Variants in CCDC146 observed in about 807,000 individuals in gnomAD.
CCDC146 encodes the protein coiled-coil domain containing 146.
A neutral mutation model predicts 119.3 loss-of-function variants in CCDC146; 92 were observed. The observed-to-expected ratio is 0.77, with a 90% CI of 0.65 to 0.92. CCDC146 has a LOEUF of 0.92. CCDC146 is among the 40% of genes least tolerant of loss of function. CCDC146 has a pLI of 0.00. For synonymous variants in CCDC146, 372 were observed against 371.8 expected (o/e 1.00, Z -0.01); for missense variants, 1,000 against 1,103.0 (o/e 0.91, Z 1.32).
chr7:77,287,385 A>AT, intron 16 of CCDC146, 55 bp from the exon 17 acceptor site: 1 of 1,585,940 alleles, frequency 6.3e-7, no homozygotes, highest in East Asian at 2.2e-5. Context: ...AGGAAATAAG[A>AT]TTTTGTCTTA....
rs550700339 is a variant in CCDC146 at position 77,273,519 on chromosome 7, T to C, written c.1174-175T>C. On this transcript the variant is annotated intron_variant, in intron 9 of 18. Coordinates refer to ENST00000285871, the MANE Select transcript of CCDC146 (RefSeq NM_020879.3). Reference sequence around the variant, plus strand: ...CACAGCAGTGAATTTTATTTATTTATTTATTTATTTATTTATTTTCAGACA... The same window carrying C: ...CACAGCAGTGAATTTTATTTATTTACTTATTTATTTATTTATTTTCAGACA... Among the ~76,000 whole-genome samples, 41 of 152,102 alleles carry C rather than the reference T, an allele frequency of 2.7e-4. No homozygotes were observed. The South Asian group carries it at 8.5e-3, about 32-fold the overall frequency.
intron 1 of CCDC146, among the ~76,000 whole-genome samples, chr7:77,145,668 G>A (rs1471393757): frequency 2.0e-5 from 3 of 151,990 alleles, no homozygotes; most frequent in African/African-American, 4.8e-5. Flanking sequence ...CCTTCACTTC[G>A]TTATGTACCC....
chr7:77,179,315 G>T (rs896740369), intron 2 of CCDC146, among the ~76,000 whole-genome samples: 6 of 151,848 alleles, frequency 4.0e-5, no homozygotes, highest in Non-Finnish European at 8.8e-5. Flanking sequence ...AATCCAGAAG[G>T]TGCAGAATAG....
chr7:77,131,397 T>C (rs1790783581), intron 1 of CCDC146, among the ~76,000 whole-genome samples: 1 of 152,010 alleles, frequency 6.6e-6, no homozygotes, highest in Non-Finnish European at 1.5e-5. Flanking sequence ...AAAGTGACAA[T>C]TGGTACACAC....
At chr7:77,170,194 G>A (rs1791399436) in intron 2 of CCDC146, among the ~76,000 whole-genome samples, 1 of 152,030 alleles carries the variant, frequency 6.6e-6, no homozygotes, top group African/African-American at 2.4e-5. Flanking sequence ...TGTGCTCAGT[G>A]TATAGCTCCC....
intron 2 of CCDC146, among the ~76,000 whole-genome samples, chr7:77,188,329 C>A (rs1707158792): frequency 6.6e-6 from 1 of 152,044 alleles, no homozygotes; most frequent in African/African-American, 2.4e-5. Context: ...TATGTACCCA[C>A]AATTTTTTAA....
At chr7:77,145,283 T>C (rs2117429323) in intron 1 of CCDC146, among the ~76,000 whole-genome samples, 1 of 151,938 alleles carries the variant, frequency 6.6e-6, no homozygotes, top group African/African-American at 2.4e-5. Flanking sequence ...TCATTTTTTA[T>C]TGCATCTATT....
chr7:77,153,542 G>T, intron 1 of CCDC146, among the ~76,000 whole-genome samples: 1 of 145,968 alleles, frequency 6.9e-6, no homozygotes, highest in African/African-American at 2.6e-5. Context: ...TGTATTAGAA[G>T]ATAATATCAA....
chr7:77,141,901 A>G (rs137928205), intron 1 of CCDC146, among the ~76,000 whole-genome samples: 1,841 of 152,270 alleles, frequency 0.012, 37 homozygotes, highest in African/African-American at 0.042. Flanking sequence ...TTTGCTGTGC[A>G]GAAGCTCCTT....
intron 1 of CCDC146, among the ~76,000 whole-genome samples, chr7:77,132,096 A>G (rs575686740): frequency 3.3e-5 from 5 of 152,208 alleles, no homozygotes; most frequent in African/African-American, 9.6e-5. Context: ...ATAAAAAGAA[A>G]ACACCATCTG....
chr7:77,271,278 A>C (rs182287199), intron 9 of CCDC146, among the ~76,000 whole-genome samples: 283 of 151,558 alleles, frequency 1.9e-3, no homozygotes, highest in African/African-American at 6.3e-3. Context: ...ACAGGCAGAA[A>C]AATGTGAATG....
At chr7:77,205,448 A>G (rs1792065951) in intron 2 of CCDC146, among the ~76,000 whole-genome samples, 1 of 152,194 alleles carries the variant, frequency 6.6e-6, no homozygotes. Context: ...TCTCCGTAAG[A>G]CACATCACAG....
intron 17 of CCDC146, among the ~76,000 whole-genome samples, chr7:77,291,486 C>T (rs991021956): frequency 2.0e-5 from 3 of 151,982 alleles, no homozygotes; most frequent in East Asian, 1.9e-4. Flanking sequence ...GGGTAGATTG[C>T]GTGAGCTCAG....
At chr7:77,276,679 G>A (rs193199210) in intron 11 of CCDC146, among the ~76,000 whole-genome samples, 30 of 152,266 alleles carry the variant, frequency 2.0e-4, no homozygotes, top group African/African-American at 7.0e-4. Flanking sequence ...AAGTGGTCAG[G>A]GAGGACTGGA....
chr7:77,149,489 GGT>G (rs1791074066), intron 1 of CCDC146, among the ~76,000 whole-genome samples: 2 of 152,078 alleles, frequency 1.3e-5, no homozygotes, highest in Admixed American at 1.3e-4. Flanking sequence ...TTATAGGCTG[GGT>G]GCAGTGGCTC....
rs149134416 is a variant in CCDC146, at chr7:77,293,089, C to A, written c.2553C>A (p.Cys851Ter). Residue 851 changes from cysteine (C) to a stop codon, truncating the protein, a stop_gained, in exon 18 of 19, where the codon TGC (cysteine) becomes TGA (stop). Transcript: ENST00000285871. LOFTEE classifies it high-confidence loss of function. Reference protein sequence around the residue: ...VREKEDFIFTCNSRIEKGLPL... With the variant: ...VREKEDFIFT ...AGAAAGAAGACTTCATCTTCACTTGCAATTCCAGGATAGAAAAAGGTCTGC... is the reference window on the plus strand; with the variant it reads ...AGAAAGAAGACTTCATCTTCACTTGAAATTCCAGGATAGAAAAAGGTCTGC... 5.6e-6 allele frequency: 9 copies of A among 1,614,016 alleles called. No homozygotes were observed. Among genetic ancestry groups the A allele is most frequent in the Admixed American group, 1.7e-5 (1 of 60,002 alleles).
At chr7:77,201,102 G>T (rs778194043) in intron 2 of CCDC146, among the ~76,000 whole-genome samples, 3 of 152,070 alleles carry the variant, frequency 2.0e-5, no homozygotes, top group African/African-American at 7.2e-5. Context: ...ATTTATTCTC[G>T]CATACTCAGG....
At chr7:77,293,594 A>T (rs548999810) in intron 18 of CCDC146, among the ~76,000 whole-genome samples, 12 of 152,324 alleles carry the variant, frequency 7.9e-5, no homozygotes, top group African/African-American at 2.9e-4. Flanking sequence ...CCTCCACAGC[A>T]TACAGTGAGG....
At chr7:77,226,377 CAA>C (rs1180999061) in intron 2 of CCDC146, among the ~76,000 whole-genome samples, 1 of 152,204 alleles carries the variant, frequency 6.6e-6, no homozygotes, top group Non-Finnish European at 1.5e-5. Flanking sequence ...CCACCTTGGA[CAA>C]ATCCAGGTTC....
Sources: gnomAD v4.1 joint callset for allele counts (sites outside exome capture counted in the v4.1 genomes callset) on GRCh38, gnomAD v4.1.1 for gene constraint, MANE v1.5 for transcripts, NCBI Gene and HGNC (gene_info 2026-07-23, HGNC 2026-07-21) for gene names.